Variants in AXIN2 observed in about 807,000 individuals in gnomAD.
The protein encoded by AXIN2 is axin 2, also known as axin-2.
Under a neutral mutation model 74.7 loss-of-function variants are expected in AXIN2, and 21 were observed. The observed-to-expected ratio is 0.28, with a 90% CI of 0.20 to 0.40. AXIN2 has a LOEUF of 0.40. Ranked by LOEUF, AXIN2 falls within the 10% of genes least tolerant of loss-of-function variation. AXIN2 has a pLI of 1.00. For synonymous variants in AXIN2, 532 were observed against 454.9 expected (o/e 1.17, Z -2.16); for missense variants, 1,144 against 1,111.1 (o/e 1.03, Z -0.42).
intron 9 of AXIN2, 25 bp from the exon 10 acceptor site, chr17:65,534,104 A>T (rs1342122007): frequency 6.2e-7 from 1 of 1,613,974 alleles, no homozygotes; most frequent in Non-Finnish European, 8.5e-7. Flanking sequence ...GAATGGAACA[A>T]GTTTAGCATT....
At chr17:65,541,702 G>C in intron 3 of AXIN2, 145 bp from the exon 4 acceptor site, 1 of 753,202 alleles carries the variant, frequency 1.3e-6, no homozygotes, top group Non-Finnish European at 2.4e-6. Context: ...AGATACCATC[G>C]GTGCTCCCAC....
In AXIN2 at chr17:65,536,854, G is replaced by A. The variant is rs1480548544; in HGVS notation, c.1907+15C>T. 6.2e-7 allele frequency: 1 copy of A among 1,612,684 alleles called. No homozygotes were observed. Among genetic ancestry groups the A allele is most frequent in the Non-Finnish European group, 8.5e-7 (1 of 1,179,878 alleles). On this transcript the variant is annotated intron_variant, in intron 7 of 10. Coordinates refer to ENST00000307078, the MANE Select transcript of AXIN2 (RefSeq NM_004655.4). ...CATGACCCTCGCGGCCGCGGCGGCG[G>A]CAAGCGGTGTTTACCTATGGGGCTT...
At chr17:65,532,715 A>G (rs991241308) in intron 10 of AXIN2, among the ~76,000 whole-genome samples, 4 of 152,226 alleles carry the variant, frequency 2.6e-5, no homozygotes, top group African/African-American at 9.6e-5. Context: ...CCAGGAGCCC[A>G]TGCCCACCTG....
At chr17:65,543,290 A>G (rs1371521189) in intron 3 of AXIN2, among the ~76,000 whole-genome samples, 1 of 152,174 alleles carries the variant, frequency 6.6e-6, no homozygotes, top group African/African-American at 2.4e-5. Flanking sequence ...TCTTCTACTC[A>G]TGACTGAGAA....
rs201177120 is a variant in AXIN2 at position 65,529,931 on chromosome 17, A to G, written c.*45T>C. ...GTTGCTCACAGCCAAGACAGTTCAC[A>G]AGAGCTTCGGGCTCCAACAGTTCAC... On this transcript the variant is annotated 3_prime_UTR_variant, in exon 11 of 11. Coordinates refer to ENST00000307078, the MANE Select transcript of AXIN2 (RefSeq NM_004655.4). The G allele has an allele frequency of 1.7e-5, 28 of 1,613,682 alleles. No homozygotes were observed. In the East Asian group the frequency reaches 5.3e-4, roughly 31 times the overall value.
chr17:65,541,354 T>C (rs924719486), intron 4 of AXIN2, 101 bp downstream of exon 4: 1 of 1,109,664 alleles, frequency 9.0e-7, no homozygotes. Flanking sequence ...ACTGCTCTTT[T>C]CTACCTTCCC....
At chr17:65,542,682 CAGAA>C (rs1393147437) in intron 3 of AXIN2, among the ~76,000 whole-genome samples, 10 of 152,118 alleles carry the variant, frequency 6.6e-5, no homozygotes, top group African/African-American at 1.9e-4. Context: ...TGATTTTTTC[CAGAA>C]AGAATTTCCT....
chr17:65,537,295 C>T (rs372844787), intron 6 of AXIN2, 29 bp downstream of exon 6: 7 of 1,613,308 alleles, frequency 4.3e-6, no homozygotes, highest in South Asian at 3.3e-5. Context: ...AAGCCCCACA[C>T]GGGACACTGC....
chr17:65,546,126 G>A (rs1053524263), intron 3 of AXIN2, among the ~76,000 whole-genome samples: 106 of 109,060 alleles, frequency 9.7e-4, no homozygotes, highest in African/African-American at 3.6e-3. Flanking sequence ...CTCACAGCCC[G>A]CACTGGCCAT....
At chr17:65,546,105 C>G (rs987014140) in intron 3 of AXIN2, among the ~76,000 whole-genome samples, 11 of 151,218 alleles carry the variant, frequency 7.3e-5, no homozygotes, top group Non-Finnish European at 1.5e-4. Flanking sequence ...GCCAGCCCCC[C>G]TCCCCAGCCC....
chr17:65,560,502 C>G (rs1458836222), intron 1 of AXIN2: 1 of 152,252 alleles, frequency 6.6e-6, no homozygotes, highest in Non-Finnish European at 1.5e-5. Flanking sequence ...CGCACTCACA[C>G]GCCGACTCAC....
At position 65,536,884 on chromosome 17, in the gene AXIN2, T is replaced by G. The variant is rs139945372; in HGVS notation, c.1892A>C (p.Lys631Thr). Residue 631 changes from lysine to threonine, a missense_variant, in exon 7 of 11, where the codon AAG becomes ACG. Lys to Thr is a moderately conservative substitution (Grantham distance 78). Coordinates refer to ENST00000307078, the MANE Select transcript of AXIN2 (RefSeq NM_004655.4). The stretch of plus-strand genomic sequence containing the variant: ...CGGTGTTTACCTATGGGGCTTGGGC[T>G]TGCTCTGCCGCTCACTCTCCAGCAT... ...QWMLESERQS[K>T]PKPHSAQSTK... 2.5e-6 allele frequency: 4 copies of G among 1,613,284 alleles called. No individual in the cohort carries two copies. The African/African-American group carries it at 5.3e-5, about 22-fold the overall frequency.
chr17:65,552,127 C>T (rs1002612092), intron 2 of AXIN2, among the ~76,000 whole-genome samples: 1 of 152,144 alleles, frequency 6.6e-6, no homozygotes, highest in Non-Finnish European at 1.5e-5. Context: ...TTCCCCAACA[C>T]CAAGGGCAGA....
chr17:65,555,965 G>A (rs2044261246), intron 2 of AXIN2, among the ~76,000 whole-genome samples: 1 of 152,004 alleles, frequency 6.6e-6, no homozygotes, highest in Admixed American at 6.6e-5. Flanking sequence ...TCAGGTCAAT[G>A]ACAAGCTGTC....
At chr17:65,531,571 G>A (rs891516417) in intron 10 of AXIN2, among the ~76,000 whole-genome samples, 2 of 152,102 alleles carry the variant, frequency 1.3e-5, no homozygotes, top group Non-Finnish European at 2.9e-5. Flanking sequence ...CCCCAGCTCC[G>A]ACCCCTCCAG....
Position 65,536,401 on chromosome 17 carries a change from G to C in AXIN2, c.2060C>G (p.Pro687Arg). 1 of 1,613,844 alleles carries C rather than the reference G, an allele frequency of 6.2e-7. No individual in the cohort carries two copies. The highest frequency in any genetic ancestry group is 8.5e-7 in the Non-Finnish European group (1 of 1,180,024). ...HLFTQDPAMP[P>R]LTPPNTLAQL... ...AGCCAGCGTGTTGGGTGGGGTCAGG[G>C]GAGGCATCGCAGGGTCCTGGGTGAA... The change falls in exon 8 of 11, where the codon CCC becomes CGC. Residue 687 changes from proline to arginine, a missense_variant. Around this residue, in one of 4 missense-constraint regions of AXIN2, gnomAD observed 1,053 missense variants for 973.5 expected, o/e 1.08. Coordinates refer to ENST00000307078, the MANE Select transcript of AXIN2 (RefSeq NM_004655.4).
chr17:65,531,926 C>CT (rs978635377), intron 10 of AXIN2, among the ~76,000 whole-genome samples: 23 of 147,030 alleles, frequency 1.6e-4, no homozygotes, highest in Middle Eastern at 3.4e-3. Flanking sequence ...CTCACTGGGT[C>CT]TTTTTTATTT....
chr17:65,549,533 TCATGGA>T lies in AXIN2; in HGVS notation c.937_942del (p.Ser313_Met314del). ...CAGGATACTCACACACTGCTGTCCG[TCATGGA>T]CATGGAATCATCCGTCAGCGCATCA... On this transcript the variant is annotated inframe_deletion, in exon 3 of 11. Transcript: ENST00000307078. 6.2e-7 allele frequency: 1 copy of T among 1,612,640 alleles called. No homozygotes were observed. The highest frequency in any genetic ancestry group is 1.1e-5 in the South Asian group (1 of 90,628).
At chr17:65,560,911 G>A (rs1171488171) in intron 1 of AXIN2, 1 of 148,276 alleles carries the variant, frequency 6.7e-6, no homozygotes, top group Non-Finnish European at 1.5e-5. Flanking sequence ...GGCTCGCGGC[G>A]GCAGCCCCGG....
Sources: gnomAD v4.1 joint callset for allele counts (sites outside exome capture counted in the v4.1 genomes callset) on GRCh38, gnomAD v4.1.1 for gene constraint, gnomAD v4.1.1 regional missense constraint, MANE v1.5 for transcripts, NCBI Gene and HGNC (gene_info 2026-07-23, HGNC 2026-07-21) for gene names.